Variants in IQCM observed in about 807,000 individuals in gnomAD.
IQCM encodes the protein IQ domain-containing protein M.
In IQCM, 45 loss-of-function variants were observed where a neutral mutation model predicts 57.6. The observed-to-expected ratio is 0.78, with a 90% confidence interval of 0.62 to 1.00. IQCM has a LOEUF of 1.00. Among genes scored for constraint, IQCM ranks in the 50% least tolerant of loss-of-function variants. The probability of loss-of-function intolerance (pLI) is 0.00; values close to 1 mark genes in which losing one functional copy is unlikely to be tolerated. For missense variants in IQCM, 468 were observed against 511.6 expected, an observed-to-expected ratio of 0.91 and a Z score of 0.82; for synonymous variants, 148 against 158.9, an observed-to-expected ratio of 0.93 and a Z score of 0.51.
chr4:149,447,769 A>C (rs573206442), intron 12 of IQCM, among the ~76,000 whole-genome samples: 1 of 151,734 alleles, frequency 6.6e-6, no homozygotes, highest in South Asian at 2.1e-4. Context: ...TTATAAGCTC[A>C]TAGGTCCAAG....
intron 12 of IQCM, among the ~76,000 whole-genome samples, chr4:149,496,343 T>C (rs1742658139): frequency 6.6e-6 from 1 of 152,158 alleles, no homozygotes; most frequent in South Asian, 2.1e-4. Flanking sequence ...CTGAAATCTG[T>C]GAACACATTA....
At chr4:149,780,562 C>A (rs1187729605) in intron 2 of IQCM, among the ~76,000 whole-genome samples, 1 of 144,014 alleles carries the variant, frequency 6.9e-6, no homozygotes, top group Non-Finnish European at 1.6e-5. Context: ...ATATTTTTTT[C>A]CACAGAAGAA....
chr4:149,489,668 C>G (rs928566672), intron 12 of IQCM, among the ~76,000 whole-genome samples: 11 of 151,808 alleles, frequency 7.2e-5, no homozygotes, highest in Non-Finnish European at 1.3e-4. Flanking sequence ...TTAATTACAG[C>G]CACCAAGGTA....
chr4:149,704,086 A>G (rs1174212796), intron 5 of IQCM, among the ~76,000 whole-genome samples: 1 of 151,806 alleles, frequency 6.6e-6, no homozygotes, highest in African/African-American at 2.4e-5. Context: ...TTCACCAGCT[A>G]CCCCAATATA....
chr4:149,444,855 G>C (rs933765052), intron 12 of IQCM, among the ~76,000 whole-genome samples: 1 of 151,804 alleles, frequency 6.6e-6, no homozygotes, highest in Non-Finnish European at 1.5e-5. Flanking sequence ...ATATAACGTA[G>C]TTCAGATAAT....
chr4:149,442,941 CACACACACACACAGAGAGAGAGAGAG>C (rs1214595954), intron 12 of IQCM, among the ~76,000 whole-genome samples: 2 of 52,508 alleles, frequency 3.8e-5, no homozygotes, highest in Non-Finnish European at 6.8e-5. Flanking sequence ...CACACACACA[CACACACACACACAGAGAGAGAGAGAG>C]AGAGAGAGAG....
chr4:149,497,747 T>TA (rs531108794), intron 12 of IQCM, among the ~76,000 whole-genome samples: 3,860 of 95,894 alleles, frequency 0.04, 79 homozygotes, highest in Middle Eastern at 0.077. Context: ...TATTTCACTT[T>TA]AAAAAAAAAA....
chr4:149,491,267 C>A (rs889818059), intron 12 of IQCM, among the ~76,000 whole-genome samples: 3 of 152,038 alleles, frequency 2.0e-5, no homozygotes, highest in Admixed American at 6.6e-5. Flanking sequence ...ATATGAATTA[C>A]CCCACATACT....
At chr4:149,808,211 ACAATGCAATATTATT>A (rs1316523855) in intron 2 of IQCM, among the ~76,000 whole-genome samples, 1 of 152,190 alleles carries the variant, frequency 6.6e-6, no homozygotes, top group African/African-American at 2.4e-5. Flanking sequence ...GTATAGATGC[ACAATGCAATATTATT>A]CATCCATAAA....
intron 12 of IQCM, among the ~76,000 whole-genome samples, chr4:149,451,719 G>A (rs983252607): frequency 5.3e-5 from 8 of 151,598 alleles, no homozygotes; most frequent in South Asian, 2.1e-4. Context: ...TTTTCTCAGC[G>A]GTGTACAGAG....
chr4:149,447,845 A>G (rs183274394), intron 12 of IQCM, among the ~76,000 whole-genome samples: 2 of 151,798 alleles, frequency 1.3e-5, no homozygotes, highest in African/African-American at 2.4e-5. Flanking sequence ...ATCAAACTGT[A>G]TAAAACTGGT....
chr4:149,611,371 C>T (rs1037898292), intron 8 of IQCM, among the ~76,000 whole-genome samples: 3 of 152,006 alleles, frequency 2.0e-5, no homozygotes, highest in South Asian at 4.1e-4. Flanking sequence ...ATGTCAAAGA[C>T]GTAGCTGCAC....
Position 149,626,496 on chromosome 4 carries a change from G to A in IQCM, c.566-5252C>T, listed in dbSNP as rs555384287. On this transcript the variant is annotated intron_variant, in intron 7 of 13. Transcript: ENST00000636793. ...TACTAAGCAGCAAAACAAGCTTAAG[G>A]TAAGTTAGAAAATGTATGGGAACTT... Among the ~76,000 whole-genome samples the A allele has an allele frequency of 7.3e-5, 11 of 150,436 alleles. No individual in the cohort carries two copies. The East Asian group carries it at 2.2e-3, about 30-fold the overall frequency.
chr4:149,539,060 C>T (rs1250907193), intron 12 of IQCM, among the ~76,000 whole-genome samples: 2 of 152,002 alleles, frequency 1.3e-5, no homozygotes, highest in Admixed American at 1.3e-4. Context: ...GTAAAAGATG[C>T]TCAGCATCAT....
chr4:149,505,936 A>G (rs774076723), intron 12 of IQCM, among the ~76,000 whole-genome samples: 1 of 152,236 alleles, frequency 6.6e-6, no homozygotes, highest in Admixed American at 6.5e-5. Flanking sequence ...ATGTCAAAAC[A>G]TTCTAAATTT....
intron 13 of IQCM, among the ~76,000 whole-genome samples, chr4:149,377,583 T>C (rs546107292): frequency 1.3e-5 from 2 of 152,298 alleles, no homozygotes; most frequent in Non-Finnish European, 2.9e-5. Context: ...TATCATGAAT[T>C]TGTTAGTGTT....
chr4:149,364,101 T>C (rs1435749055), intron 13 of IQCM, among the ~76,000 whole-genome samples: 1 of 152,104 alleles, frequency 6.6e-6, no homozygotes, highest in Non-Finnish European at 1.5e-5. Context: ...AAAACTGAAC[T>C]GGAAGACTGG....
chr4:149,481,704 T>TTTTTTTTTTTTTTTTTGTTTG (rs1560895880), intron 12 of IQCM, among the ~76,000 whole-genome samples: 7 of 134,706 alleles, frequency 5.2e-5, no homozygotes, highest in East Asian at 2.2e-4. Context: ...CAGTTTTGTT[T>TTTTTTTTTTTTTTTTTGTTTG]TTTTTTTTTT....
chr4:149,603,867 G>T (rs1193101824), intron 8 of IQCM, among the ~76,000 whole-genome samples: 1 of 151,928 alleles, frequency 6.6e-6, no homozygotes, highest in Admixed American at 6.6e-5. Flanking sequence ...TATTATAGCT[G>T]TGTTTTTCAC....
Sources: gnomAD v4.1 joint callset for allele counts (sites outside exome capture counted in the v4.1 genomes callset) on GRCh38, gnomAD v4.1.1 for gene constraint, MANE v1.5 for transcripts, NCBI Gene and HGNC (gene_info 2026-07-23, HGNC 2026-07-21) for gene names.